The following TMEM165 variants were observed in gnomAD, a reference collection of about 807,000 sequenced individuals.
The protein encoded by TMEM165 is putative divalent cation/proton antiporter TMEM165.
TMEM165 carries 19 observed loss-of-function variants against 30.0 expected under a neutral mutation model. The observed-to-expected ratio is 0.63, with a 90% CI of 0.44 to 0.93. The LOEUF (loss-of-function observed/expected upper bound fraction) is 0.93, where lower values mean the gene tolerates loss of function less well. TMEM165 is among the 40% of genes least tolerant of loss of function. TMEM165 has a pLI of 0.00. For synonymous variants in TMEM165, 168 were observed against 162.9 expected, an observed-to-expected ratio of 1.03 and a Z score of -0.24; for missense variants, 340 against 417.0, an observed-to-expected ratio of 0.82 and a Z score of 1.61.
chr4:55,447,728 A>C (rs73819607), intron 3 of TMEM165, among the ~76,000 whole-genome samples: 2,058 of 152,296 alleles, frequency 0.014, 42 homozygotes, highest in African/African-American at 0.046. Context: ...CTCCTATCAT[A>C]TATGTATGAC....
intron 3 of TMEM165, chr4:55,438,165 C>T (rs574509947): frequency 1.5e-5 from 19 of 1,300,582 alleles, no homozygotes; most frequent in Middle Eastern, 2.4e-4. Flanking sequence ...GAGATTTAAA[C>T]TGTACAATAA....
chr4:55,426,598 A>G (rs540161309), downstream of TMEM165, among the ~76,000 whole-genome samples: 13 of 152,352 alleles, frequency 8.5e-5, no homozygotes, highest in African/African-American at 2.9e-4. Flanking sequence ...CATTCCCATT[A>G]ATAGCCTCAC....
chr4:55,433,485 C>CT, intron 3 of TMEM165: 1 of 152,396 alleles, frequency 6.6e-6, no homozygotes, highest in Middle Eastern at 3.4e-3. Context: ...TAAGAACTGG[C>CT]TTAGCATTCC....
chr4:55,404,357 G>A (rs927951607), intron 1 of TMEM165, among the ~76,000 whole-genome samples: 4 of 151,822 alleles, frequency 2.6e-5, no homozygotes, highest in Non-Finnish European at 5.9e-5. Flanking sequence ...TCTAACTAGG[G>A]GATTTGCTGC....
intron 1 of TMEM165, among the ~76,000 whole-genome samples, chr4:55,410,938 G>C (rs1721469230): frequency 6.6e-6 from 1 of 152,078 alleles, no homozygotes; most frequent in Non-Finnish European, 1.5e-5. Context: ...TTTGAGACCA[G>C]CCTGGCCAAC....
Position 55,403,262 on chromosome 4 carries a change from A to G in TMEM165, c.207+6866A>G, listed in dbSNP as rs1325088419. On this transcript the variant is annotated intron_variant, in intron 1 of 5. Transcript: ENST00000381334. ...GACATCAGTTTTTTTCTTGGTAGCA[A>G]GCTGTAGATTTTGTTTCAAGGAAAG... 14 of 1,288,210 alleles carry G rather than the reference A, an allele frequency of 1.1e-5. No homozygotes were observed. In the South Asian group the frequency reaches 1.5e-4, roughly 14 times the overall value. 79.8% of individuals were successfully genotyped at this position (1,288,210 alleles called of 1,614,324 possible). A position where few individuals can be genotyped will look rare whatever the true frequency, so the allele number is the denominator to read the frequency against.
chr4:55,443,495 A>T (rs960220639), intron 3 of TMEM165, among the ~76,000 whole-genome samples: 1 of 152,132 alleles, frequency 6.6e-6, no homozygotes, highest in Non-Finnish European at 1.5e-5. Flanking sequence ...AAAAGAAAAA[A>T]AAAAGCTGAA....
At position 55,402,795 on chromosome 4, in the gene TMEM165, C is replaced by CTTTTTTT. The variant is rs71194554; in HGVS notation, c.207+6407_207+6413dup. Among the ~76,000 whole-genome samples, 19 of 71,412 alleles carry CTTTTTTT rather than the reference C, an allele frequency of 2.7e-4. 2 individuals are homozygous for CTTTTTTT. Among genetic ancestry groups the CTTTTTTT allele is most frequent in the Admixed American group, 3.9e-4 (2 of 5,084 alleles). The allele number at this position is 71,412 out of a possible 152,430, so 46.8% of individuals were successfully genotyped here. On this transcript the variant is annotated intron_variant, in intron 1 of 5. Coordinates refer to ENST00000381334, the MANE Select transcript of TMEM165 (RefSeq NM_018475.5). ...ACATTTTTACAACTTTTAAAAAAAG[C>CTTTTTTT]TTTTTTTTTTTTTTGAGACGGAGTC... is the stretch of plus-strand genomic sequence containing the variant.
At chr4:55,400,280 ATTATATATTAT>A (rs1560385908) in intron 1 of TMEM165, among the ~76,000 whole-genome samples, 1,502 of 98,320 alleles carry the variant, frequency 0.015, 16 homozygotes, top group Middle Eastern at 0.051. Context: ...ATAATATAAT[ATTATATATTAT>A]ATATAATATT....
intron 4 of TMEM165, among the ~76,000 whole-genome samples, chr4:55,422,344 G>A (rs1722015817): frequency 6.6e-6 from 1 of 152,050 alleles, no homozygotes; most frequent in Admixed American, 6.6e-5. Context: ...TGCAACCTCT[G>A]CTTCCTGGGT....
intron 5 of TMEM165, chr4:55,424,889 A>T: frequency 4.3e-6 from 2 of 459,852 alleles, no homozygotes; most frequent in Non-Finnish European, 7.7e-6. Context: ...ATATTATCTT[A>T]GTAAAACAAT....
intron 3 of TMEM165, among the ~76,000 whole-genome samples, chr4:55,437,500 T>C (rs1291746142): frequency 6.6e-6 from 1 of 152,210 alleles, no homozygotes; most frequent in Non-Finnish European, 1.5e-5. Context: ...AAGGAGAGCC[T>C]GTCTGATTCA....
chr4:55,422,555 C>G (rs1357933348), intron 4 of TMEM165, among the ~76,000 whole-genome samples: 1 of 152,084 alleles, frequency 6.6e-6, no homozygotes, highest in Non-Finnish European at 1.5e-5. Context: ...ATCCACCCAC[C>G]CTGATTCAAC....
At chr4:55,400,472 C>G (rs1009213649) in intron 1 of TMEM165, among the ~76,000 whole-genome samples, 15 of 143,270 alleles carry the variant, frequency 1.0e-4, no homozygotes, top group Non-Finnish European at 2.2e-4. Flanking sequence ...TTGTCTCACT[C>G]TGTCGCCCAG....
At chr4:55,435,516 G>A (rs1456631696) in intron 3 of TMEM165, 5 of 1,614,078 alleles carry the variant, frequency 3.1e-6, no homozygotes, top group Non-Finnish European at 4.2e-6. Context: ...TGTGACTGAG[G>A]GAAGGTGCTC....
At chr4:55,435,255 T>G in intron 3 of TMEM165, 1 of 790,492 alleles carries the variant, frequency 1.3e-6, no homozygotes, top group South Asian at 1.6e-5. Context: ...TCTGTAGCAC[T>G]AGGCAGCATT....
At chr4:55,418,284 T>A in intron 4 of TMEM165, 1 of 261,178 alleles carries the variant, frequency 3.8e-6, no homozygotes, top group Non-Finnish European at 7.2e-6. Flanking sequence ...CATAGAACTT[T>A]CTTTTTTATA....
intron 1 of TMEM165, among the ~76,000 whole-genome samples, chr4:55,400,278 A>ATATTATATATAATATTAATACTG (rs1720917010): frequency 2.8e-5 from 3 of 106,946 alleles, no homozygotes; most frequent in African/African-American, 1.2e-4. Context: ...ATATAATATA[A>ATATTATATATAATATTAATACTG]TATTATATAT....
At chr4:55,427,955 A>ATTCT (rs1167275253), downstream of TMEM165, 1 of 152,214 alleles carries the variant, frequency 6.6e-6, no homozygotes, top group Non-Finnish European at 1.5e-5. Flanking sequence ...CCAAAATGTG[A>ATTCT]TTCTTACAAG....
Sources: gnomAD v4.1 joint callset for allele counts (sites outside exome capture counted in the v4.1 genomes callset) on GRCh38, gnomAD v4.1.1 for gene constraint, MANE v1.5 for transcripts, NCBI Gene and HGNC (gene_info 2026-07-23, HGNC 2026-07-21) for gene names.